CFAP70: variants seen among roughly 807,000 people sequenced by gnomAD.
The protein encoded by CFAP70 is cilia and flagella associated protein 70.
CFAP70 carries 81 observed loss-of-function variants against 137.6 expected under a neutral mutation model. That is an observed-to-expected ratio of 0.59 (90% CI 0.49 to 0.71). The LOEUF (loss-of-function observed/expected upper bound fraction) is 0.71, where lower values mean the gene tolerates loss of function less well. CFAP70 is among the 30% of genes least tolerant of loss of function. The pLI, the probability that CFAP70 is intolerant of heterozygous loss-of-function variation, is 0.00. For synonymous variants in CFAP70, 382 were observed against 423.6 expected, an observed-to-expected ratio of 0.90 and a Z score of 1.20; for missense variants, 976 against 1,226.7, an observed-to-expected ratio of 0.80 and a Z score of 3.05.
chr10:73,324,777 G>A (rs1391476425), intron 8 of CFAP70, among the ~76,000 whole-genome samples: 1 of 151,952 alleles, frequency 6.6e-6, no homozygotes, highest in Non-Finnish European at 1.5e-5. Context: ...GAGAAGGGAA[G>A]TTTAGAGAAA....
At chr10:73,291,351 T>C (rs1292527578) in exon 19 of CFAP70, 2 of 1,614,236 alleles carry the variant, frequency 1.2e-6, no homozygotes, top group Non-Finnish European at 1.7e-6. Flanking sequence ...CTTTGTTACT[T>C]GTGCCTGAAG....
intron 25 of CFAP70, among the ~76,000 whole-genome samples, chr10:73,259,205 T>C (rs1424420312): frequency 2.0e-5 from 3 of 152,166 alleles, no homozygotes; most frequent in Admixed American, 2.0e-4. Context: ...CCTTTATTTC[T>C]CAGACCTGCT....
intron 19 of CFAP70, among the ~76,000 whole-genome samples, chr10:73,280,160 T>C (rs2047157637): frequency 6.6e-6 from 1 of 152,166 alleles, no homozygotes; most frequent in Admixed American, 6.5e-5. Flanking sequence ...ATTGATTGGC[T>C]AATATTTGTT....
chr10:73,291,645 A>G, exon 18 of CFAP70: 1 of 1,612,464 alleles, frequency 6.2e-7, no homozygotes, highest in South Asian at 1.1e-5. Context: ...TCTACCAAGT[A>G]AAGTCCAGGC....
At chr10:73,344,169 G>A (rs1323742952) in intron 5 of CFAP70, among the ~76,000 whole-genome samples, 3 of 151,992 alleles carry the variant, frequency 2.0e-5, no homozygotes, top group African/African-American at 7.3e-5. Flanking sequence ...TCACCATGTT[G>A]GCCAGGCTGG....
intron 19 of CFAP70, chr10:73,279,177 G>A (rs1182107215): frequency 6.6e-6 from 1 of 152,102 alleles, no homozygotes; most frequent in East Asian, 1.9e-4. Flanking sequence ...TAAATGGCAT[G>A]TAACAAAATA....
upstream of CFAP70, among the ~76,000 whole-genome samples, chr10:73,359,669 TGAG>T (rs1399240915): frequency 2.0e-5 from 3 of 152,102 alleles, no homozygotes; most frequent in Non-Finnish European, 4.4e-5. Flanking sequence ...TGACAACTAC[TGAG>T]GAGGATGACT....
Position 73,275,612 on chromosome 10 carries a change from C to A in CFAP70, c.2521-14G>T. ...TCTGTGCACATACTGCAAGGATAAT[C>A]AGATTATAAGCAACATATAAATGGC... is the stretch of plus-strand genomic sequence containing the variant. On this transcript the variant is annotated splice_polypyrimidine_tract_variant and intron_variant, in intron 21 of 26. Transcript: ENST00000310715. This position sits in a 1 kb window ranked among gnomAD's most constrained non-coding sequence, Gnocchi z 4.0. 1 of 1,538,324 alleles carries A rather than the reference C, an allele frequency of 6.5e-7. No homozygotes were observed. Among genetic ancestry groups the A allele is most frequent in the South Asian group, 1.3e-5 (1 of 78,824 alleles).
At chr10:73,291,669 G>A in exon 18 of CFAP70, 1 of 1,613,848 alleles carries the variant, frequency 6.2e-7, no homozygotes, top group East Asian at 2.2e-5. Context: ...AACATTAGTT[G>A]GTTCCAAGCA....
At chr10:73,315,269 G>A (rs1156369858) in intron 9 of CFAP70, among the ~76,000 whole-genome samples, 5 of 148,678 alleles carry the variant, frequency 3.4e-5, no homozygotes, top group African/African-American at 9.9e-5. Flanking sequence ...TATATACAAT[G>A]TACACATTTA....
Position 73,351,049 on chromosome 10 carries a change from G to GTA in CFAP70, c.250+2506_250+2507insTA, listed in dbSNP as rs2054181679. The stretch of plus-strand genomic sequence containing the variant: ...TATGTGTATATGTGTGTATATATGT[G>GTA]TGTGTGTGTGTGTGTGTGTGTGTAT... On this transcript the variant is annotated intron_variant, in intron 3 of 26. Transcript: ENST00000310715. 3.1e-4 allele frequency among the ~76,000 whole-genome samples: 13 copies of GTA among 42,100 alleles called. No homozygotes were observed. In the South Asian group the frequency reaches 0.016, roughly 52 times the overall value. The allele number at this position is 42,100 out of a possible 152,430, so 27.6% of individuals were successfully genotyped here. A position where few individuals can be genotyped will look rare whatever the true frequency, so the allele number is the denominator to read the frequency against.
chr10:73,309,327 A>C (rs2049693778), intron 12 of CFAP70, among the ~76,000 whole-genome samples: 1 of 152,194 alleles, frequency 6.6e-6, no homozygotes, highest in Non-Finnish European at 1.5e-5. Flanking sequence ...AGTTTTTTTA[A>C]ATTACATATA....
intron 9 of CFAP70, among the ~76,000 whole-genome samples, chr10:73,320,670 CT>C (rs113045058): frequency 0.11 from 15,752 of 145,134 alleles, 1,175 homozygotes; most frequent in East Asian, 0.31. Context: ...AATAATTATC[CT>C]TTTTTTTTTT....
chr10:73,275,639 G>A lies in CFAP70; in HGVS notation c.2521-41C>T. 1.4e-6 allele frequency: 2 copies of A among 1,459,096 alleles called. No individual in the cohort carries two copies. Among genetic ancestry groups the A allele is most frequent in the South Asian group, 1.5e-5 (1 of 67,488 alleles). The allele number at this position is 1,459,096 out of a possible 1,614,324, so 90.4% of individuals were successfully genotyped here. A position where few individuals can be genotyped will look rare whatever the true frequency, so the allele number is the denominator to read the frequency against. ...GATTATAAGCAACATATAAATGGCT[G>A]CATTGCGTCTTTTTCGGTTGAAGGA... On this transcript the variant is annotated intron_variant, in intron 21 of 26. Transcript: ENST00000310715. The surrounding 1 kb of genome is among the most constrained non-coding windows in gnomAD (Gnocchi z 4.0).
At chr10:73,280,676 T>G (rs2131810180) in intron 19 of CFAP70, among the ~76,000 whole-genome samples, 1 of 152,344 alleles carries the variant, frequency 6.6e-6, no homozygotes, top group South Asian at 2.1e-4. Context: ...ATTCATACAT[T>G]TCATTTAAGT....
At chr10:73,288,201 A>G (rs1490441058) in intron 19 of CFAP70, among the ~76,000 whole-genome samples, 1 of 152,100 alleles carries the variant, frequency 6.6e-6, no homozygotes, top group Non-Finnish European at 1.5e-5. Context: ...CCGGCCAAAC[A>G]TATCAAAAAC....
intron 25 of CFAP70, among the ~76,000 whole-genome samples, chr10:73,265,358 G>A (rs1206741366): frequency 6.6e-6 from 1 of 151,162 alleles, no homozygotes; most frequent in Non-Finnish European, 1.5e-5. Flanking sequence ...AGAGATTCAT[G>A]TATATTTTCT....
intron 12 of CFAP70, among the ~76,000 whole-genome samples, chr10:73,308,724 G>A (rs1374137511): frequency 8.8e-6 from 1 of 113,380 alleles, no homozygotes; most frequent in Non-Finnish European, 1.9e-5. Context: ...TTAAAATTAA[G>A]AAAATAAGAA....
At position 73,353,528 on chromosome 10, in the gene CFAP70, A is replaced by G. The variant is rs750605864; in HGVS notation, c.250+28T>C. 19 of 1,599,006 alleles carry G rather than the reference A, an allele frequency of 1.2e-5. 1 individual carries two copies. The South Asian group carries it at 2.1e-4, about 18-fold the overall frequency. ...TGATAGGGAAGAAGGCAATCGGGAC[A>G]TTGATTTTTAGAACCACAAGGACTT... is the stretch of plus-strand genomic sequence containing the variant. On this transcript the variant is annotated intron_variant, in intron 3 of 26. Coordinates refer to ENST00000310715, the Ensembl canonical transcript of CFAP70.
Sources: allele counts gnomAD v4.1 joint callset (sites outside exome capture counted in the v4.1 genomes callset), GRCh38; gene constraint gnomAD v4.1.1; non-coding constraint Gnocchi (gnomAD v3.1); transcripts MANE v1.5; gene names NCBI Gene and HGNC (gene_info 2026-07-23, HGNC 2026-07-21).